The following SLC35B4 variants were observed in gnomAD, a reference collection of about 807,000 sequenced individuals.
The protein encoded by SLC35B4 is solute carrier family 35 member B4, also known as nucleotide sugar transporter SLC35B4.
SLC35B4 carries 28 observed loss-of-function variants against 39.5 expected under a neutral mutation model. That is an observed-to-expected ratio of 0.71 (90% CI 0.53 to 0.97). The LOEUF is 0.97. SLC35B4 is among the 50% of genes least tolerant of loss of function. SLC35B4 has a pLI of 0.00. For missense variants in SLC35B4, 334 were observed against 414.3 expected (o/e 0.81, Z 1.68); for synonymous variants, 145 against 150.4 (o/e 0.96, Z 0.26).
intron 3 of SLC35B4, among the ~76,000 whole-genome samples, chr7:134,305,523 C>A (rs1803687238): frequency 1.3e-5 from 2 of 152,076 alleles, no homozygotes; most frequent in Non-Finnish European, 2.9e-5. Flanking sequence ...CCATGTTGTT[C>A]AAGGGTCAAC....
In SLC35B4 at chr7:134,295,118, A is replaced by C. The variant is rs1180509834; in HGVS notation, c.750-39T>G. On this transcript the variant is annotated intron_variant, in intron 9 of 9. Coordinates refer to ENST00000378509, the MANE Select transcript of SLC35B4 (RefSeq NM_032826.5). ...GTCAAGGTAGTTTTCTGTAGACTGT[A>C]CTTGGGGGATCAGTGAGAGAACCTT... 4 of 1,601,676 alleles carry C rather than the reference A, an allele frequency of 2.5e-6. No individual in the cohort carries two copies. In the South Asian group the frequency reaches 4.4e-5, roughly 18 times the overall value.
At chr7:134,319,487 T>G (rs1804062040), upstream of SLC35B4, among the ~76,000 whole-genome samples, 3 of 152,230 alleles carry the variant, frequency 2.0e-5, no homozygotes, top group African/African-American at 7.2e-5. Context: ...CTCTGACCAC[T>G]GGGTTCTCCT....
upstream of SLC35B4, among the ~76,000 whole-genome samples, chr7:134,318,279 T>A (rs1254183755): frequency 6.6e-6 from 1 of 152,162 alleles, no homozygotes; most frequent in Non-Finnish European, 1.5e-5. Context: ...ATTCTAGAAT[T>A]TGAGAACTGC....
chr7:134,299,589 G>C lies in SLC35B4; in HGVS notation c.607C>G (p.Pro203Ala), dbSNP rs142401342. 6.2e-7 allele frequency: 1 copy of C among 1,613,790 alleles called. No individual in the cohort carries two copies. The highest frequency in any genetic ancestry group is 8.5e-7 in the Non-Finnish European group (1 of 1,179,766). Residue 203 changes from proline (P) to alanine (A), a missense_variant, in exon 8 of 10, where the codon CCA (proline) becomes GCA (alanine). Physicochemically the swap from Pro to Ala is conservative, Grantham distance 27 (BLOSUM62 -1). Coordinates refer to ENST00000378509, the MANE Select transcript of SLC35B4 (RefSeq NM_032826.5). ...GCCAAGAAGACGAAACCCGGAAGTG[G>C]AAGGGCGTGCTATGGAAAGAAACAG... Reference protein sequence around the residue: ...KEALFYNHALPLPGFVFLASD... With the variant: ...KEALFYNHALALPGFVFLASD...
At chr7:134,295,196 G>A (rs1300477231) in intron 9 of SLC35B4, 117 bp from the exon 10 acceptor site, 17 of 1,327,448 alleles carry the variant, frequency 1.3e-5, no homozygotes, top group Admixed American at 2.1e-5. Context: ...ATGAAGGTCC[G>A]CTACGGCAGC....
chr7:134,299,332 T>C (rs576832345), intron 8 of SLC35B4, 191 bp downstream of exon 8: 5 of 494,966 alleles, frequency 1.0e-5, no homozygotes, highest in Middle Eastern at 2.9e-4. Context: ...TTTACTTCAT[T>C]TGTAAATAAT....
intron 5 of SLC35B4, 66 bp from the exon 6 acceptor site, chr7:134,301,887 G>A (rs867544824): frequency 6.5e-7 from 1 of 1,535,786 alleles, no homozygotes; most frequent in Non-Finnish European, 9.0e-7. Context: ...GACATACAAG[G>A]GAAACATTTA....
At position 134,297,834 on chromosome 7, in the gene SLC35B4, G is replaced by A. The variant is rs1260948544; in HGVS notation, c.674-1368C>T. Among the ~76,000 whole-genome samples the A allele has an allele frequency of 1.3e-5, 2 of 152,146 alleles. 1 individual carries two copies. Among genetic ancestry groups the A allele is most frequent in the African/African-American group, 4.8e-5 (2 of 41,436 alleles). On this transcript the variant is annotated intron_variant, in intron 8 of 9. Coordinates refer to ENST00000378509, the MANE Select transcript of SLC35B4 (RefSeq NM_032826.5). ...GAGGATCCCTTGGGCCCAGGAGCTC[G>A]AGACCAATCTACCATTCTGGGCAAC...
At position 134,306,873 on chromosome 7, in the gene SLC35B4, GT is replaced by G. The variant is rs1317238313; in HGVS notation, c.192-100del. 5 of 897,832 alleles carry G rather than the reference GT, an allele frequency of 5.6e-6. No individual in the cohort carries two copies. In the East Asian group the frequency reaches 1.3e-4, roughly 24 times the overall value. The allele number at this position is 897,832 out of a possible 1,614,324, so 55.6% of individuals were successfully genotyped here. On this transcript the variant is annotated intron_variant, in intron 2 of 9. Coordinates refer to ENST00000378509, the MANE Select transcript of SLC35B4 (RefSeq NM_032826.5). ...TTTTGGCTAAAAAGGCATTTTGCCT[GT>G]TTCCTCTGCGTTGCAAGATTGCATC...
rs1012953593 is a variant in SLC35B4, at chr7:134,290,794, T to A, written c.*4039A>T. 1 of 152,196 alleles carries A rather than the reference T, an allele frequency of 6.6e-6. No homozygotes were observed. The highest frequency in any genetic ancestry group is 6.5e-5 in the Admixed American group (1 of 15,284). The allele number at this position is 152,196 out of a possible 1,614,324, so 9.4% of individuals were successfully genotyped here. On this transcript the variant is annotated 3_prime_UTR_variant, in exon 10 of 10. Transcript: ENST00000378509. ...CAGGAGAAAGCTATTGAGACCAATA[T>A]GCTTTGGTTATCTAATAAGGGTGGA...
chr7:134,308,783 T>C (rs1258476940), intron 2 of SLC35B4, among the ~76,000 whole-genome samples: 1 of 152,222 alleles, frequency 6.6e-6, no homozygotes. Flanking sequence ...TGCCCTGTTT[T>C]CTATTTGGCC....
In SLC35B4 at chr7:134,304,671, A is replaced by G; in HGVS notation, c.344+134T>C. 4.6e-6 allele frequency: 3 copies of G among 655,676 alleles called. No homozygotes were observed. In the South Asian group the frequency reaches 5.8e-5, roughly 13 times the overall value. The allele number at this position is 655,676 out of a possible 1,614,324, so 40.6% of individuals were successfully genotyped here. ...TTGCATGATTGGGCCTCACTGGTAAAGAACTAAGAAAAGAGGTAGATGGCC... is the reference window on the plus strand; with the variant it reads ...TTGCATGATTGGGCCTCACTGGTAAGGAACTAAGAAAAGAGGTAGATGGCC... On this transcript the variant is annotated intron_variant, in intron 4 of 9. Coordinates refer to ENST00000378509, the MANE Select transcript of SLC35B4 (RefSeq NM_032826.5).
At chr7:134,311,880 T>C (rs534147635) in intron 1 of SLC35B4, among the ~76,000 whole-genome samples, 1 of 152,288 alleles carries the variant, frequency 6.6e-6, no homozygotes, top group African/African-American at 2.4e-5. Flanking sequence ...GCACAGGTAG[T>C]TCTCAGGTGC....
chr7:134,318,803 A>G (rs1304800454), upstream of SLC35B4, among the ~76,000 whole-genome samples: 1 of 152,216 alleles, frequency 6.6e-6, no homozygotes, highest in Admixed American at 6.5e-5. Context: ...TGGCCTGAGT[A>G]CTGTAATATT....
rs1585627639 is a variant in SLC35B4 at position 134,289,420 on chromosome 7, T to C, written c.*5413A>G. On this transcript the variant is annotated 3_prime_UTR_variant, in exon 10 of 10. Coordinates refer to ENST00000378509, the MANE Select transcript of SLC35B4 (RefSeq NM_032826.5). ...AACTCTTAAGGCTGGAAGCCGATGTTTGATATTTACACAGCTCAAAATCTG... is the reference window on the plus strand; with the variant it reads ...AACTCTTAAGGCTGGAAGCCGATGTCTGATATTTACACAGCTCAAAATCTG... The C allele has an allele frequency of 6.5e-6, 1 of 152,688 alleles. No homozygotes were observed. The highest frequency in any genetic ancestry group is 1.5e-5 in the Non-Finnish European group (1 of 68,048). 9.5% of individuals were successfully genotyped at this position (152,688 alleles called of 1,614,324 possible).
chr7:134,313,119 C>T (rs957512394), intron 1 of SLC35B4, among the ~76,000 whole-genome samples: 4 of 152,134 alleles, frequency 2.6e-5, no homozygotes, highest in African/African-American at 7.2e-5. Flanking sequence ...TGTATAGCTA[C>T]CAATGGAATT....
At chr7:134,299,768 T>A (rs937701887) in intron 7 of SLC35B4, among the ~76,000 whole-genome samples, 170 bp from the exon 8 acceptor site, 1 of 152,224 alleles carries the variant, frequency 6.6e-6, no homozygotes, top group Non-Finnish European at 1.5e-5. Flanking sequence ...TCACCTTGTA[T>A]GGCAGGATAT....
At position 134,301,728 on chromosome 7, in the gene SLC35B4, GGCAATTA is replaced by G; in HGVS notation, c.487+26_487+32del. On this transcript the variant is annotated intron_variant, in intron 6 of 9. Coordinates refer to ENST00000378509, the MANE Select transcript of SLC35B4 (RefSeq NM_032826.5). ...AAAACTCAGCAAACACAACTGCAGA[GGCAATTA>G]GCTTTATTATAATTATTGTACTTGC... 1.9e-6 allele frequency: 3 copies of G among 1,589,152 alleles called. 1 individual carries two copies. In the South Asian group the frequency reaches 3.3e-5, roughly 18 times the overall value.
rs768612110 is a variant in SLC35B4, at chr7:134,302,015, T to C, written c.426+14A>G. ...AGCAAGTAGTGAACATAAAATAATT[T>C]GTGAGCTTCTTACCACCTGCTTTGC... On this transcript the variant is annotated intron_variant, in intron 5 of 9. Transcript: ENST00000378509. The C allele has an allele frequency of 3.1e-6, 5 of 1,611,850 alleles. No individual in the cohort carries two copies. The African/African-American group carries it at 6.7e-5, about 22-fold the overall frequency.
Sources: allele counts gnomAD v4.1 joint callset (sites outside exome capture counted in the v4.1 genomes callset), GRCh38; gene constraint gnomAD v4.1.1; transcripts MANE v1.5; gene names NCBI Gene and HGNC (gene_info 2026-07-23, HGNC 2026-07-21).